The following USP3 variants were observed in gnomAD, a reference collection of about 807,000 sequenced individuals.
USP3 encodes the protein ubiquitin carboxyl-terminal hydrolase 3.
A neutral mutation model predicts 72.3 loss-of-function variants in USP3; 20 were observed. That is an observed-to-expected ratio of 0.28 (90% CI 0.19 to 0.40). The LOEUF (loss-of-function observed/expected upper bound fraction) is 0.40. Among genes scored for constraint, USP3 ranks in the 10% least tolerant of loss-of-function variants. The pLI, the probability that USP3 is intolerant of heterozygous loss-of-function variation, is 1.00. For missense variants in USP3, 479 were observed against 633.9 expected (o/e 0.76, Z 2.62); for synonymous variants, 222 against 225.3 (o/e 0.99, Z 0.13).
chr15:63,583,719 A>G (rs1220012889), intron 11 of USP3, among the ~76,000 whole-genome samples: 10 of 152,208 alleles, frequency 6.6e-5, no homozygotes, highest in Admixed American at 6.5e-4. Context: ...ATATAAGTGG[A>G]ATCATACTAT....
At chr15:63,575,542 A>G (rs1031810718) in intron 11 of USP3, among the ~76,000 whole-genome samples, 1 of 152,190 alleles carries the variant, frequency 6.6e-6, no homozygotes, top group African/African-American at 2.4e-5. Flanking sequence ...ACACTCCAGT[A>G]AGGAACCAGA....
At chr15:63,512,320 CTCTTCT>C (rs1292755784) in intron 1 of USP3, among the ~76,000 whole-genome samples, 1 of 120,008 alleles carries the variant, frequency 8.3e-6, no homozygotes, top group African/African-American at 3.5e-5. Flanking sequence ...CTTCTTCTTC[CTCTTCT>C]TCCTCTTCCT....
In USP3 at chr15:63,592,960, C is replaced by G. The variant is rs1471571774; in HGVS notation, c.*2134C>G. The G allele has an allele frequency of 4.6e-5, 7 of 152,150 alleles. No homozygotes were observed. Among genetic ancestry groups the G allele is most frequent in the African/African-American group, 1.7e-4 (7 of 41,430 alleles). The allele number at this position is 152,150 out of a possible 1,614,324, so 9.4% of individuals were successfully genotyped here. A position where few individuals can be genotyped will look rare whatever the true frequency, so the allele number is the denominator to read the frequency against. On this transcript the variant is annotated 3_prime_UTR_variant, in exon 15 of 15. Transcript: ENST00000380324. ...ACAATTATGTGTAAACTTATATCAT[C>G]CAGTACAATGGCCCCTAGCCACATG... is the stretch of plus-strand genomic sequence containing the variant.
chr15:63,559,412 T>C (rs1567115151), intron 6 of USP3, among the ~76,000 whole-genome samples: 1 of 152,256 alleles, frequency 6.6e-6, no homozygotes, highest in Non-Finnish European at 1.5e-5. Flanking sequence ...TCTTAGCTTA[T>C]CTCTTCTTGC....
rs11071758 is a variant in USP3, at chr15:63,594,051, G to A, written c.*3225G>A. ...TTAAACCAGTCAAGTGTACTGGCCC[G>A]GGGTGAGTGTTAAATGTGTATCTCG... On this transcript the variant is annotated 3_prime_UTR_variant, in exon 15 of 15. Coordinates refer to ENST00000380324, the MANE Select transcript of USP3 (RefSeq NM_006537.4). 0.45 allele frequency: 68,163 copies of A among 152,204 alleles called. 16,353 individuals are homozygous for A. Among genetic ancestry groups the A allele is most frequent in the Non-Finnish European group, 0.54 (36,624 of 68,048 alleles). The allele number at this position is 152,204 out of a possible 1,614,324, so 9.4% of individuals were successfully genotyped here. A position where few individuals can be genotyped will look rare whatever the true frequency, so the allele number is the denominator to read the frequency against.
chr15:63,505,977 G>A (rs1160292632), intron 1 of USP3, among the ~76,000 whole-genome samples: 1 of 152,212 alleles, frequency 6.6e-6, no homozygotes, highest in Non-Finnish European at 1.5e-5. Context: ...TACTTAAATA[G>A]TGATTATGTT....
Position 63,504,688 on chromosome 15 carries a change from C to A in USP3, c.-52C>A. 2 of 1,478,768 alleles carry A rather than the reference C, an allele frequency of 1.4e-6. No individual in the cohort carries two copies. Among genetic ancestry groups the A allele is most frequent in the Non-Finnish European group, 1.8e-6 (2 of 1,097,420 alleles). 91.6% of individuals were successfully genotyped at this position (1,478,768 alleles called of 1,614,324 possible). A position where few individuals can be genotyped will look rare whatever the true frequency, so the allele number is the denominator to read the frequency against. On this transcript the variant is annotated 5_prime_UTR_variant, in exon 1 of 15. Coordinates refer to ENST00000380324, the MANE Select transcript of USP3 (RefSeq NM_006537.4). ...GGAGCCTCCGGAGTTCCTCCGCCCC[C>A]ACCTCGCCGGGTCCTGGAGCCGCAG...
At chr15:63,573,833 T>C (rs767730879) in intron 9 of USP3, among the ~76,000 whole-genome samples, 5 of 152,174 alleles carry the variant, frequency 3.3e-5, no homozygotes, top group Admixed American at 2.0e-4. Context: ...GATGAGGGCA[T>C]TGGGGGAGGC....
chr15:63,504,983 G>C (rs2152644165), intron 1 of USP3, among the ~76,000 whole-genome samples, 153 bp downstream of exon 1: 1 of 150,548 alleles, frequency 6.6e-6, no homozygotes. Context: ...GCGATGAGGC[G>C]GGCGCGTGCG....
intron 1 of USP3, 22 bp from the exon 2 acceptor site, chr15:63,532,625 T>C (rs749908357): frequency 2.4e-5 from 38 of 1,613,468 alleles, no homozygotes; most frequent in Non-Finnish European, 3.0e-5. Context: ...ATTGGTATAT[T>C]GTGTATTTTT....
intron 14 of USP3, 92 bp from the exon 15 acceptor site, chr15:63,590,569 C>T: frequency 8.2e-7 from 1 of 1,220,496 alleles, no homozygotes; most frequent in Non-Finnish European, 1.1e-6. Context: ...AGGATGTATT[C>T]TTATTAAAAT....
chr15:63,544,080 T>G lies in USP3; in HGVS notation c.284+6924T>G, dbSNP rs2066284892. 6.6e-6 allele frequency among the ~76,000 whole-genome samples: 1 copy of G among 151,066 alleles called. No homozygotes were observed. Among genetic ancestry groups the G allele is most frequent in the Non-Finnish European group, 1.5e-5 (1 of 67,808 alleles). Reference sequence around the variant, plus strand: ...AAAAAGGAAATTAGTTTAATAATAGTATGAAGATATTGTGAATAGCAAGAC... The same window carrying G: ...AAAAAGGAAATTAGTTTAATAATAGGATGAAGATATTGTGAATAGCAAGAC... On this transcript the variant is annotated intron_variant, in intron 3 of 14. Transcript: ENST00000380324. This position sits in a 1 kb window ranked among gnomAD's most constrained non-coding sequence, Gnocchi z 4.2.
At chr15:63,518,119 A>T (rs1333156131) in intron 1 of USP3, among the ~76,000 whole-genome samples, 1 of 152,098 alleles carries the variant, frequency 6.6e-6, no homozygotes, top group African/African-American at 2.4e-5. Flanking sequence ...TCAGAAATGG[A>T]TCTTATTAGT....
At chr15:63,590,610 C>G (rs2067178220) in intron 14 of USP3, 51 bp from the exon 15 acceptor site, 3 of 1,463,394 alleles carry the variant, frequency 2.1e-6, no homozygotes, top group South Asian at 3.0e-5. Flanking sequence ...TTGTACAGGT[C>G]TTTTTGTGAT....
rs534547824 is a variant in USP3, at chr15:63,504,751, A to G, written c.12A>G (p.Pro4=). Residue 4 remains proline (P), a synonymous_variant, in exon 1 of 15, where the codon CCA becomes CCG. Coordinates refer to ENST00000380324, the MANE Select transcript of USP3 (RefSeq NM_006537.4). ...CCCTCCTCGTGGCCATGGAGTGTCC[A>G]CACCTGAGCTCCAGCGTCTGCATTG... The part of the protein sequence containing the change: MEC[P]HLSSSVCIAP... 6.2e-7 allele frequency: 1 copy of G among 1,610,250 alleles called. No homozygotes were observed. Among genetic ancestry groups the G allele is most frequent in the African/African-American group, 1.3e-5 (1 of 74,550 alleles).
chr15:63,593,998 GTGTATAGTGATGACAGA>G lies in USP3; in HGVS notation c.*3177_*3193del, dbSNP rs1176894441. 1 of 152,252 alleles carries G rather than the reference GTGTATAGTGATGACAGA, an allele frequency of 6.6e-6. No individual in the cohort carries two copies. The highest frequency in any genetic ancestry group is 1.5e-5 in the Non-Finnish European group (1 of 68,062). The allele number at this position is 152,252 out of a possible 1,614,324, so 9.4% of individuals were successfully genotyped here. A position where few individuals can be genotyped will look rare whatever the true frequency, so the allele number is the denominator to read the frequency against. On this transcript the variant is annotated 3_prime_UTR_variant, in exon 15 of 15. Transcript: ENST00000380324. ...TTGCTTATCCACTGTATTCTACTCA[GTGTATAGTGATGACAGA>G]TGTACTAGAATTAAACCAGTCAAGT... is the stretch of plus-strand genomic sequence containing the variant.
intron 1 of USP3, among the ~76,000 whole-genome samples, chr15:63,531,752 GATCCTGTGTGGT>G (rs1208568498): frequency 2.6e-5 from 4 of 152,284 alleles, no homozygotes; most frequent in Admixed American, 2.0e-4. Context: ...TGGTTACTAT[GATCCTGTGTGGT>G]TGTGCTGCAG....
intron 1 of USP3, among the ~76,000 whole-genome samples, chr15:63,519,054 C>T (rs1157639574): frequency 2.0e-5 from 3 of 152,176 alleles, no homozygotes; most frequent in East Asian, 1.9e-4. Flanking sequence ...CGTGAGCCAC[C>T]GCGCCTGGCC....
chr15:63,550,021 G>A (rs149229364), intron 3 of USP3, among the ~76,000 whole-genome samples: 2 of 152,232 alleles, frequency 1.3e-5, no homozygotes, highest in African/African-American at 4.8e-5. Flanking sequence ...CAATTTTTGG[G>A]TCTTTTTGAG....
Sources: allele counts gnomAD v4.1 joint callset (sites outside exome capture counted in the v4.1 genomes callset), GRCh38; gene constraint gnomAD v4.1.1; non-coding constraint Gnocchi (gnomAD v3.1); transcripts MANE v1.5; gene names NCBI Gene and HGNC (gene_info 2026-07-23, HGNC 2026-07-21).